Variants in INTS9 observed in about 807,000 individuals in gnomAD.
INTS9 encodes the protein integrator complex subunit 9, also known as protein related to CPSF subunits of 74 kDa.
INTS9 carries 55 observed loss-of-function variants against 79.7 expected under a neutral mutation model. That is an observed-to-expected ratio of 0.69 (90% CI 0.56 to 0.86). The LOEUF is 0.86. Ranked by LOEUF, INTS9 falls within the 40% of genes least tolerant of loss-of-function variation. INTS9 has a pLI of 0.00. For missense variants in INTS9, 721 were observed against 831.5 expected, an observed-to-expected ratio of 0.87 and a Z score of 1.64; for synonymous variants, 319 against 325.2, an observed-to-expected ratio of 0.98 and a Z score of 0.20.
chr8:28,794,956 A>G (rs1804117126), intron 9 of INTS9, among the ~76,000 whole-genome samples: 1 of 152,222 alleles, frequency 6.6e-6, no homozygotes, highest in Non-Finnish European at 1.5e-5. Context: ...CAAACATACA[A>G]ACCAAGACTC....
At chr8:28,772,689 C>G (rs1352541382) in intron 14 of INTS9, among the ~76,000 whole-genome samples, 3 of 152,018 alleles carry the variant, frequency 2.0e-5, no homozygotes, top group Non-Finnish European at 4.4e-5. Flanking sequence ...TGCCTGTAGT[C>G]CCAGATACTC....
chr8:28,772,774 T>G (rs189403161), intron 14 of INTS9, among the ~76,000 whole-genome samples: 2 of 151,982 alleles, frequency 1.3e-5, no homozygotes, highest in African/African-American at 4.8e-5. Flanking sequence ...ACCACTGCAC[T>G]TCAGCCTGGG....
intron 3 of INTS9, among the ~76,000 whole-genome samples, chr8:28,848,434 C>A (rs1237545490): frequency 6.6e-6 from 1 of 152,164 alleles, no homozygotes; most frequent in Non-Finnish European, 1.5e-5. Context: ...CCTTGATAGA[C>A]AATTTCCTCC....
chr8:28,882,650 C>A (rs183939033), intron 1 of INTS9, among the ~76,000 whole-genome samples: 1 of 151,502 alleles, frequency 6.6e-6, no homozygotes, highest in Non-Finnish European at 1.5e-5. Context: ...TTATTATACA[C>A]CTCCCCCACC....
At chr8:28,881,832 G>A (rs1326477656) in intron 1 of INTS9, among the ~76,000 whole-genome samples, 19 of 106,846 alleles carry the variant, frequency 1.8e-4, no homozygotes, top group Admixed American at 4.9e-4. Flanking sequence ...GAGGGTGGTG[G>A]GGGGGTCAGC....
intron 1 of INTS9, among the ~76,000 whole-genome samples, chr8:28,862,466 G>A (rs1808511793): frequency 6.6e-6 from 1 of 152,080 alleles, no homozygotes; most frequent in Non-Finnish European, 1.5e-5. Context: ...TGAACATTGA[G>A]GGTTGTTTCC....
intron 8 of INTS9, among the ~76,000 whole-genome samples, chr8:28,811,837 A>C (rs1193001268): frequency 6.6e-6 from 1 of 152,132 alleles, no homozygotes; most frequent in Non-Finnish European, 1.5e-5. Context: ...TACTGTTTTC[A>C]GTACTTGTAT....
At chr8:28,791,643 A>G (rs774009056) in intron 10 of INTS9, among the ~76,000 whole-genome samples, 2 of 152,182 alleles carry the variant, frequency 1.3e-5, no homozygotes, top group Non-Finnish European at 2.9e-5. Flanking sequence ...GTATGTGTGT[A>G]TATATTTCCA....
At position 28,767,742 on chromosome 8, in the gene INTS9, GATC is replaced by G. The variant is rs1207351338; in HGVS notation, c.*401_*403del. The G allele has an allele frequency of 5.4e-6, 1 of 183,638 alleles. No homozygotes were observed. Among genetic ancestry groups the G allele is most frequent in the African/African-American group, 2.4e-5 (1 of 42,028 alleles). 11.4% of individuals were successfully genotyped at this position (183,638 alleles called of 1,614,324 possible). On this transcript the variant is annotated 3_prime_UTR_variant, in exon 17 of 17. Coordinates refer to ENST00000521022, the MANE Select transcript of INTS9 (RefSeq NM_018250.4). Reference sequence around the variant, plus strand: ...ATGGGTTCACTTTACCATATTTTGGGATCATCATCTTATTGCGTACAGCACTGT... The same window carrying G: ...ATGGGTTCACTTTACCATATTTTGGGATCATCTTATTGCGTACAGCACTGT...
intron 6 of INTS9, among the ~76,000 whole-genome samples, chr8:28,815,922 A>G (rs1449264907): frequency 6.6e-6 from 1 of 152,192 alleles, no homozygotes; most frequent in East Asian, 1.9e-4. Context: ...AGAACAATGA[A>G]CAACAGACAT....
chr8:28,848,912 G>A (rs1193131785), intron 3 of INTS9, among the ~76,000 whole-genome samples: 1 of 152,172 alleles, frequency 6.6e-6, no homozygotes, highest in East Asian at 1.9e-4. Flanking sequence ...CTTCTGCAGG[G>A]AACAATGATT....
In INTS9 at chr8:28,767,976, T is replaced by G. The variant is rs78262892; in HGVS notation, c.*170A>C. 120 of 665,662 alleles carry G rather than the reference T, an allele frequency of 1.8e-4. No individual in the cohort carries two copies. In the East Asian group the frequency reaches 3.0e-3, roughly 17 times the overall value. The allele number at this position is 665,662 out of a possible 1,614,324, so 41.2% of individuals were successfully genotyped here. A position where few individuals can be genotyped will look rare whatever the true frequency, so the allele number is the denominator to read the frequency against. ...AAGGGAAAGTTCTTGCCTGAAACAG[T>G]GCTGGGAATAAGTCCAGACCATTTC... On this transcript the variant is annotated 3_prime_UTR_variant, in exon 17 of 17. Coordinates refer to ENST00000521022, the MANE Select transcript of INTS9 (RefSeq NM_018250.4).
intron 13 of INTS9, 89 bp from the exon 14 acceptor site, chr8:28,776,015 G>T: frequency 2.0e-6 from 2 of 1,014,508 alleles, no homozygotes; most frequent in Non-Finnish European, 2.8e-6. Flanking sequence ...TCCACTCCCC[G>T]CCATTACAGG....
chr8:28,835,500 T>C, intron 5 of INTS9, 122 bp from the exon 6 acceptor site: 3 of 630,040 alleles, frequency 4.8e-6, no homozygotes, highest in Non-Finnish European at 8.4e-6. Context: ...CATCATCATC[T>C]TCCTCTCTGC....
In INTS9 at chr8:28,768,040, AC is replaced by A. The variant is rs1223341969; in HGVS notation, c.*105del. The A allele has an allele frequency of 2.9e-5, 30 of 1,022,690 alleles. No homozygotes were observed. Among genetic ancestry groups the A allele is most frequent in the Non-Finnish European group, 4.2e-5 (28 of 665,950 alleles). 63.4% of individuals were successfully genotyped at this position (1,022,690 alleles called of 1,614,324 possible). On this transcript the variant is annotated 3_prime_UTR_variant, in exon 17 of 17. Transcript: ENST00000521022. ...CTCTTCACTCCTTAAGCCAGAGGAC[AC>A]CACAAAGACACAGTTAATGGCCTCT...
intron 1 of INTS9, among the ~76,000 whole-genome samples, chr8:28,884,826 A>G (rs187406990): frequency 3.3e-5 from 5 of 152,354 alleles, no homozygotes; most frequent in African/African-American, 1.2e-4. Flanking sequence ...AGTTGAATCA[A>G]GCACCGATAA....
chr8:28,847,350 G>A (rs1807578439), intron 3 of INTS9, among the ~76,000 whole-genome samples: 1 of 151,976 alleles, frequency 6.6e-6, no homozygotes, highest in Non-Finnish European at 1.5e-5. Flanking sequence ...AGGAAAGGGG[G>A]ATGTAAGGAG....
intron 1 of INTS9, among the ~76,000 whole-genome samples, chr8:28,887,201 C>T (rs889685980): frequency 6.6e-6 from 1 of 152,126 alleles, no homozygotes; most frequent in Non-Finnish European, 1.5e-5. Flanking sequence ...AAGAGTGAGG[C>T]AGGCAATGGA....
chr8:28,828,517 A>C (rs923310539), intron 6 of INTS9, among the ~76,000 whole-genome samples: 2 of 152,216 alleles, frequency 1.3e-5, no homozygotes, highest in Non-Finnish European at 2.9e-5. Context: ...AACAGAGCCT[A>C]GAAGAAATAA....
Sources: allele counts gnomAD v4.1 joint callset (sites outside exome capture counted in the v4.1 genomes callset), GRCh38; gene constraint gnomAD v4.1.1; transcripts MANE v1.5; gene names NCBI Gene and HGNC (gene_info 2026-07-23, HGNC 2026-07-21).